Variants in PRELID2 observed in about 807,000 individuals in gnomAD.
The protein encoded by PRELID2 is PRELI domain-containing protein 2.
Under a neutral mutation model 28.4 loss-of-function variants are expected in PRELID2, and 25 were observed. That is an observed-to-expected ratio of 0.88 (90% CI 0.64 to 1.23). The LOEUF is 1.23. Ranked by LOEUF, PRELID2 falls within the 50% of genes most tolerant of loss-of-function variation. The pLI is 0.00. For missense variants in PRELID2, 201 were observed against 214.4 expected (o/e 0.94, Z 0.39); for synonymous variants, 76 against 71.6 (o/e 1.06, Z -0.31).
chr5:145,710,037 C>CAATCT (rs1252493683), intron 1 of PRELID2, among the ~76,000 whole-genome samples: 1 of 151,994 alleles, frequency 6.6e-6, no homozygotes, highest in Non-Finnish European at 1.5e-5. Flanking sequence ...AATTTCTTGC[C>CAATCT]AATCTATTTC....
intron 1 of PRELID2, among the ~76,000 whole-genome samples, chr5:145,505,561 A>G (rs1191706121): frequency 6.6e-6 from 1 of 152,204 alleles, no homozygotes; most frequent in East Asian, 1.9e-4. Context: ...CAAAATATAA[A>G]TCAGATCATA....
chr5:145,568,532 T>C (rs1561507858), intron 1 of PRELID2, among the ~76,000 whole-genome samples: 2 of 152,148 alleles, frequency 1.3e-5, no homozygotes, highest in Non-Finnish European at 2.9e-5. Context: ...ATGATAATGG[T>C]TTTATATTAT....
intron 1 of PRELID2, among the ~76,000 whole-genome samples, chr5:145,602,436 CAATA>C (rs1417675644): frequency 6.6e-6 from 1 of 151,854 alleles, no homozygotes; most frequent in African/African-American, 2.4e-5. Context: ...TTTTAGGAAA[CAATA>C]AAGCAATGTG....
Position 145,553,291 on chromosome 5 carries a change from C to A in PRELID2, n.71-79976G>T, listed in dbSNP as rs115291027. The stretch of plus-strand genomic sequence containing the variant: ...CTTCAAGTACACACAGGATCTTTGA[C>A]AAGGAAGTGACAATGCAAGCCACAC... On this transcript the variant is annotated intron_variant and non_coding_transcript_variant, in intron 1 of 2. Coordinates refer to the PRELID2 transcript ENST00000510259. Among the ~76,000 whole-genome samples the A allele has an allele frequency of 9.5e-3, 1,436 of 151,008 alleles. 8 individuals carry two copies. The highest frequency in any genetic ancestry group is 0.013 in the African/African-American group (520 of 41,170).
the PRELID2 span, among the ~76,000 whole-genome samples, chr5:145,343,397 G>C: frequency 6.6e-6 from 1 of 151,084 alleles, no homozygotes; most frequent in African/African-American, 2.4e-5. Flanking sequence ...AAATATATGG[G>C]AATTAAGCAA....
the PRELID2 span, among the ~76,000 whole-genome samples, chr5:145,263,735 A>C: frequency 5.3e-5 from 8 of 152,034 alleles, no homozygotes; most frequent in Non-Finnish European, 1.0e-4. Context: ...AAACTAGAAA[A>C]CCTAGAGAAG....
Position 145,818,013 on chromosome 5 carries a change from C to T in PRELID2, c.249G>A (p.Glu83=). 6.2e-7 allele frequency: 1 copy of T among 1,613,002 alleles called. No individual in the cohort carries two copies. The highest frequency in any genetic ancestry group is 8.5e-7 in the Non-Finnish European group (1 of 1,179,464). ...TTCTTTCCCGAGGATTGAGCCATGACTCCTCTTCTAATTGGATATTAGGTA... is the reference window on the plus strand; with the variant it reads ...TTCTTTCCCGAGGATTGAGCCATGATTCCTCTTCTAATTGGATATTAGGTA... ...LKVPNIQLEE[E]SWLNPRERNM... Residue 83 remains glutamate, a synonymous_variant, in exon 4 of 7, where the codon GAG becomes GAA. Coordinates refer to ENST00000683046, the MANE Select transcript of PRELID2 (RefSeq NM_205846.3).
chr5:145,371,021 G>GACA, the PRELID2 span, among the ~76,000 whole-genome samples: 1 of 151,634 alleles, frequency 6.6e-6, no homozygotes, highest in Admixed American at 6.6e-5. Context: ...TTGGAACTGA[G>GACA]ATGGGGTTTT....
Position 145,500,669 on chromosome 5 carries a change from T to C in PRELID2, n.71-27354A>G, listed in dbSNP as rs369093357. On this transcript the variant is annotated intron_variant and non_coding_transcript_variant, in intron 1 of 2. Transcript: ENST00000510259. ...GATTTTGGTTAATTTAAGATAAGCA[T>C]GATGCGTTGGAAAATTACCAGTGTA... 5.8e-4 allele frequency among the ~76,000 whole-genome samples: 89 copies of C among 152,250 alleles called. 1 individual carries two copies. In the East Asian group the frequency reaches 8.7e-3, roughly 15 times the overall value.
chr5:145,578,164 C>T (rs1396906602), intron 1 of PRELID2, among the ~76,000 whole-genome samples: 4 of 152,084 alleles, frequency 2.6e-5, no homozygotes, highest in Non-Finnish European at 4.4e-5. Context: ...AACAAAATCC[C>T]GAGGAAGATA....
chr5:145,783,586 G>C (rs1751777698), intron 5 of PRELID2, among the ~76,000 whole-genome samples: 1 of 152,130 alleles, frequency 6.6e-6, no homozygotes, highest in Admixed American at 6.5e-5. Flanking sequence ...ATCTATCTGA[G>C]CACTCAAGGG....
At chr5:145,640,347 G>T (rs1362535408) in intron 1 of PRELID2, among the ~76,000 whole-genome samples, 3 of 152,012 alleles carry the variant, frequency 2.0e-5, no homozygotes, top group Admixed American at 6.5e-5. Flanking sequence ...GTGGTGGCGG[G>T]CGCCTGTAGT....
intron 1 of PRELID2, among the ~76,000 whole-genome samples, chr5:145,640,368 C>A (rs1158752267): frequency 6.7e-6 from 1 of 150,256 alleles, no homozygotes; most frequent in Non-Finnish European, 1.5e-5. Context: ...CCCAGCTACT[C>A]GGGAGGCTGA....
At chr5:145,613,300 A>T (rs1222752685) in intron 1 of PRELID2, among the ~76,000 whole-genome samples, 1 of 150,952 alleles carries the variant, frequency 6.6e-6, no homozygotes, top group African/African-American at 2.4e-5. Context: ...TTATTTATTT[A>T]TTTTTTTATT....
At chr5:145,391,950 T>A in the PRELID2 span, among the ~76,000 whole-genome samples, 6 of 152,174 alleles carry the variant, frequency 3.9e-5, no homozygotes, top group Admixed American at 2.0e-4. Flanking sequence ...GATTTCATTG[T>A]CCATATCACT....
the PRELID2 span, among the ~76,000 whole-genome samples, chr5:145,462,373 T>G: frequency 6.6e-6 from 1 of 152,224 alleles, no homozygotes; most frequent in East Asian, 1.9e-4. Context: ...GATATTACCA[T>G]GTCAATCATT....
At chr5:145,408,227 T>A in the PRELID2 span, among the ~76,000 whole-genome samples, 1 of 151,924 alleles carries the variant, frequency 6.6e-6, no homozygotes, top group Admixed American at 6.6e-5. Context: ...TTTCTGGTAA[T>A]ATGACAAAAC....
chr5:145,567,965 G>A (rs909922478), intron 1 of PRELID2, among the ~76,000 whole-genome samples: 4 of 152,150 alleles, frequency 2.6e-5, no homozygotes, highest in African/African-American at 9.7e-5. Context: ...TGATATTTCA[G>A]CCTCTCATTT....
chr5:145,469,508 T>G (rs1752032707), downstream of PRELID2, among the ~76,000 whole-genome samples: 4 of 151,986 alleles, frequency 2.6e-5, no homozygotes, highest in Admixed American at 6.6e-5. Flanking sequence ...TTACTCAGAG[T>G]TCATAAGCCT....
Sources: allele counts gnomAD v4.1 joint callset (sites outside exome capture counted in the v4.1 genomes callset), GRCh38; gene constraint gnomAD v4.1.1; transcripts MANE v1.5; gene names NCBI Gene and HGNC (gene_info 2026-07-23, HGNC 2026-07-21).